KCNMB2: variants seen among roughly 807,000 people sequenced by gnomAD.
KCNMB2 encodes calcium-activated potassium channel subunit beta-2.
Under a neutral mutation model 24.5 loss-of-function variants are expected in KCNMB2, and 9 were observed. That is an observed-to-expected ratio of 0.37 (90% CI 0.22 to 0.64). The LOEUF (loss-of-function observed/expected upper bound fraction) is 0.64, where lower values mean the gene tolerates loss of function less well. Among genes scored for constraint, KCNMB2 ranks in the 30% least tolerant of loss-of-function variants. KCNMB2 has a pLI of 0.63. For missense variants in KCNMB2, 226 were observed against 284.3 expected, an observed-to-expected ratio of 0.79 and a Z score of 1.47; for synonymous variants, 109 against 104.4, an observed-to-expected ratio of 1.04 and a Z score of -0.27.
At chr3:178,777,691 G>C (rs1251486243) in intron 1 of KCNMB2, among the ~76,000 whole-genome samples, 2 of 152,134 alleles carry the variant, frequency 1.3e-5, no homozygotes, top group African/African-American at 2.4e-5. Flanking sequence ...ATATTTCAAA[G>C]AAATTGATCA....
At chr3:178,741,389 AGAAG>A (rs1158455416) in intron 1 of KCNMB2, among the ~76,000 whole-genome samples, 1 of 152,162 alleles carries the variant, frequency 6.6e-6, no homozygotes, top group Non-Finnish European at 1.5e-5. Flanking sequence ...CATTCCTCCT[AGAAG>A]GAAGGGAAAA....
At chr3:178,772,666 T>C (rs1712421864) in intron 1 of KCNMB2, among the ~76,000 whole-genome samples, 1 of 152,240 alleles carries the variant, frequency 6.6e-6, no homozygotes, top group African/African-American at 2.4e-5. Context: ...AACTTTATAA[T>C]GATCTGTTTC....
At chr3:178,646,460 A>G (rs1159217091) in intron 1 of KCNMB2, among the ~76,000 whole-genome samples, 5 of 152,166 alleles carry the variant, frequency 3.3e-5, no homozygotes, top group Non-Finnish European at 4.4e-5. Flanking sequence ...AACAGACTGA[A>G]CCTCTCAGGG....
chr3:178,695,747 C>A (rs1559977747), intron 1 of KCNMB2, among the ~76,000 whole-genome samples: 1 of 152,116 alleles, frequency 6.6e-6, no homozygotes, highest in Non-Finnish European at 1.5e-5. Context: ...TTCAATAAGT[C>A]TCTAGGAAGG....
chr3:178,805,332 T>C (rs115499948), intron 1 of KCNMB2, among the ~76,000 whole-genome samples: 3 of 152,342 alleles, frequency 2.0e-5, no homozygotes, highest in Non-Finnish European at 2.9e-5. Context: ...CTTCAGTTTA[T>C]TGAATCACAA....
intron 1 of KCNMB2, among the ~76,000 whole-genome samples, chr3:178,652,765 T>G (rs1475503929): frequency 6.6e-6 from 1 of 151,518 alleles, no homozygotes; most frequent in Non-Finnish European, 1.5e-5. Flanking sequence ...TGGGTTCAAG[T>G]GATTCTCCTG....
chr3:178,628,762 A>T (rs1008872139), intron 1 of KCNMB2, among the ~76,000 whole-genome samples: 4 of 152,172 alleles, frequency 2.6e-5, no homozygotes, highest in African/African-American at 9.7e-5. Context: ...AATCATTCTT[A>T]AAAATGGTAG....
intron 1 of KCNMB2, among the ~76,000 whole-genome samples, chr3:178,686,054 G>A (rs1721459509): frequency 1.3e-5 from 2 of 152,278 alleles, no homozygotes; most frequent in South Asian, 2.1e-4. Flanking sequence ...GTGAGAGAGA[G>A]AGAGAGAGAG....
At chr3:178,750,339 G>A (rs749191245) in intron 1 of KCNMB2, among the ~76,000 whole-genome samples, 18 of 151,882 alleles carry the variant, frequency 1.2e-4, no homozygotes, top group Non-Finnish European at 1.9e-4. Context: ...AGCTAATTAT[G>A]AAGTCATTTC....
intron 1 of KCNMB2, among the ~76,000 whole-genome samples, chr3:178,742,577 C>T (rs1490487413): frequency 1.3e-5 from 2 of 152,126 alleles, no homozygotes; most frequent in Admixed American, 6.5e-5. Context: ...CAATTAAGCC[C>T]TAATAAAGCA....
intron 1 of KCNMB2, chr3:178,729,404 C>T (rs1199480659): frequency 6.6e-6 from 1 of 152,144 alleles, no homozygotes; most frequent in Non-Finnish European, 1.5e-5. Context: ...TGCAAGCAGA[C>T]AAAAATCCAG....
chr3:178,537,600 A>G (rs1176103251), intron 1 of KCNMB2, among the ~76,000 whole-genome samples: 3 of 152,234 alleles, frequency 2.0e-5, no homozygotes, highest in Non-Finnish European at 4.4e-5. Context: ...TGGGATCGGT[A>G]TAGCACAATC....
At chr3:178,791,607 G>C (rs1440908543) in intron 1 of KCNMB2, among the ~76,000 whole-genome samples, 1 of 151,978 alleles carries the variant, frequency 6.6e-6, no homozygotes, top group African/African-American at 2.4e-5. Flanking sequence ...CCTAGAGAAA[G>C]ATATCAATAT....
intron 4 of KCNMB2, among the ~76,000 whole-genome samples, chr3:178,834,581 A>C (rs1204695171): frequency 6.6e-6 from 1 of 152,170 alleles, no homozygotes; most frequent in Non-Finnish European, 1.5e-5. Context: ...TTAGGACTGT[A>C]TATTCAGCAC....
intron 1 of KCNMB2, among the ~76,000 whole-genome samples, chr3:178,628,580 G>A (rs1311573649): frequency 1.3e-5 from 2 of 152,110 alleles, no homozygotes; most frequent in East Asian, 1.9e-4. Flanking sequence ...TGGGGCTTTT[G>A]TTAAGTATCC....
chr3:178,571,157 T>C (rs1333416539), intron 1 of KCNMB2, among the ~76,000 whole-genome samples: 3 of 152,216 alleles, frequency 2.0e-5, no homozygotes, highest in Non-Finnish European at 2.9e-5. Flanking sequence ...TTTTATTCTT[T>C]CTACTTTTTA....
At chr3:178,632,472 T>C (rs1003032616) in intron 1 of KCNMB2, among the ~76,000 whole-genome samples, 1 of 152,170 alleles carries the variant, frequency 6.6e-6, no homozygotes, top group Non-Finnish European at 1.5e-5. Context: ...CTTCTTCACA[T>C]GGCAGCAGCA....
At chr3:178,717,287 T>A (rs1018739967) in intron 1 of KCNMB2, among the ~76,000 whole-genome samples, 38 of 152,236 alleles carry the variant, frequency 2.5e-4, no homozygotes, top group South Asian at 1.2e-3. Flanking sequence ...TTTACCTTCA[T>A]CCTGCTTGCA....
rs1488518560 is a variant in KCNMB2 at position 178,843,175 on chromosome 3, G to C, written c.*238G>C. On this transcript the variant is annotated 3_prime_UTR_variant, in exon 5 of 5. Coordinates refer to ENST00000452583, the MANE Select transcript of KCNMB2 (RefSeq NM_181361.3). ...TTTTCATAATCTTATTTCTGTACTG[G>C]AACTAGTACTTTCTTCTCTCATTCC... 1 of 594,920 alleles carries C rather than the reference G, an allele frequency of 1.7e-6. No individual in the cohort carries two copies. The highest frequency in any genetic ancestry group is 3.2e-6 in the Non-Finnish European group (1 of 317,304). 36.9% of individuals were successfully genotyped at this position (594,920 alleles called of 1,614,324 possible). A position where few individuals can be genotyped will look rare whatever the true frequency, so the allele number is the denominator to read the frequency against.
Sources: allele counts gnomAD v4.1 joint callset (sites outside exome capture counted in the v4.1 genomes callset), GRCh38; gene constraint gnomAD v4.1.1; transcripts MANE v1.5; gene names NCBI Gene and HGNC (gene_info 2026-07-23, HGNC 2026-07-21).